Variants in PVALB observed in about 807,000 individuals in gnomAD.
The protein encoded by PVALB is parvalbumin, also known as parvalbumin alpha.
A neutral mutation model predicts 10.9 loss-of-function variants in PVALB; 11 were observed. The ratio of observed to expected loss-of-function variants is 1.01; its 90% CI spans 0.63 to 1.67. The LOEUF is 1.67. Among genes scored for constraint, PVALB ranks in the 40% most tolerant of loss-of-function variants. The pLI, the probability that PVALB is intolerant of heterozygous loss-of-function variation, is 0.00. For missense variants in PVALB, 131 were observed against 136.2 expected (o/e 0.96, Z 0.19); for synonymous variants, 57 against 50.7 (o/e 1.12, Z -0.53).
intron 3 of PVALB, among the ~76,000 whole-genome samples, chr22:36,804,738 A>G (rs1938924163): frequency 6.6e-6 from 1 of 152,240 alleles, no homozygotes; most frequent in African/African-American, 2.4e-5. Context: ...GTTCGAGACC[A>G]GCCTGATCAA....
At chr22:36,816,691 G>A (rs1217151447) in intron 1 of PVALB, among the ~76,000 whole-genome samples, 3 of 152,166 alleles carry the variant, frequency 2.0e-5, no homozygotes, top group Non-Finnish European at 4.4e-5. Flanking sequence ...CCCAGCCACC[G>A]GGCCTTCAGC....
At chr22:36,817,312 A>T, upstream of PVALB, 1 of 251,726 alleles carries the variant, frequency 4.0e-6, no homozygotes. Flanking sequence ...CACCTCTGGG[A>T]TTTAGGGGGC....
chr22:36,809,398 A>G (rs967907799), intron 3 of PVALB, among the ~76,000 whole-genome samples: 1 of 152,044 alleles, frequency 6.6e-6, no homozygotes, highest in Non-Finnish European at 1.5e-5. Context: ...AGGAGAAAGA[A>G]ATAGGCAATA....
rs774214509 is a variant in PVALB, at chr22:36,816,927, G to C, written c.61+18C>G. On this transcript the variant is annotated intron_variant, in intron 1 of 3. Transcript: ENST00000417718. Reference sequence around the variant, plus strand: ...TGGACGAGGGGAGAGGGATGGGGAGGGGAGCGCGCTTGCTCACCGCTAAAG... The same window carrying C: ...TGGACGAGGGGAGAGGGATGGGGAGCGGAGCGCGCTTGCTCACCGCTAAAG... The C allele has an allele frequency of 6.9e-6, 11 of 1,594,740 alleles. No homozygotes were observed. The highest frequency in any genetic ancestry group is 8.5e-6 in the Non-Finnish European group (10 of 1,173,182).
intron 3 of PVALB, among the ~76,000 whole-genome samples, chr22:36,803,702 TGGATGGATGGG>T (rs1938907271): frequency 1.1e-5 from 1 of 88,818 alleles, no homozygotes; most frequent in African/African-American, 5.0e-5. Context: ...GATGGATGGA[TGGATGGATGGG>T]TGGGTGGTTG....
intron 3 of PVALB, among the ~76,000 whole-genome samples, chr22:36,807,283 C>G (rs9622488): frequency 0.2 from 30,862 of 152,054 alleles, 3,644 homozygotes; most frequent in African/African-American, 0.33. Flanking sequence ...TCTCAGTGGG[C>G]ATCACAGTGT....
At chr22:36,810,178 C>G (rs1007168768) in intron 3 of PVALB, among the ~76,000 whole-genome samples, 5 of 152,186 alleles carry the variant, frequency 3.3e-5, no homozygotes, top group African/African-American at 1.2e-4. Context: ...CCACTGCGCC[C>G]GGCATGCCCC....
chr22:36,816,823 C>G, intron 1 of PVALB, 122 bp downstream of exon 1: 3 of 814,116 alleles, frequency 3.7e-6, no homozygotes. Context: ...TCGCCGGCGC[C>G]CAGCGGGAAG....
At chr22:36,804,767 C>T (rs1304212695) in intron 3 of PVALB, among the ~76,000 whole-genome samples, 1 of 152,164 alleles carries the variant, frequency 6.6e-6, no homozygotes, top group African/African-American at 2.4e-5. Context: ...AACCTCGTCT[C>T]TACTAAAAAT....
At chr22:36,815,308 C>T (rs929898875) in intron 1 of PVALB, 73 bp from the exon 2 acceptor site, 10 of 1,580,090 alleles carry the variant, frequency 6.3e-6, no homozygotes, top group South Asian at 1.1e-5. Context: ...TGGGGGGCAT[C>T]AAGGCATTTG....
chr22:36,817,129 A>T (rs560377491), upstream of PVALB: 1 of 880,474 alleles, frequency 1.1e-6, no homozygotes, highest in East Asian at 3.3e-5. Context: ...CGGGCCTGGC[A>T]TGGCGCCAGG....
intron 3 of PVALB, among the ~76,000 whole-genome samples, chr22:36,801,492 C>T (rs933556088): frequency 1.2e-4 from 19 of 152,114 alleles, no homozygotes; most frequent in Admixed American, 6.6e-5. Flanking sequence ...AAGTGCCCAT[C>T]GCCCTAGAAA....
chr22:36,813,196 T>C (rs535431616), intron 3 of PVALB, among the ~76,000 whole-genome samples: 2 of 152,334 alleles, frequency 1.3e-5, no homozygotes, highest in East Asian at 3.9e-4. Context: ...TTTCCATCCC[T>C]GGAATCTGAG....
rs372265591 is a variant in PVALB at position 36,814,999 on chromosome 22, C to G, written c.194+104G>C. 3.5e-6 allele frequency: 5 copies of G among 1,437,234 alleles called. No individual in the cohort carries two copies. The East Asian group carries it at 7.1e-5, about 20-fold the overall frequency. The allele number at this position is 1,437,234 out of a possible 1,614,324, so 89.0% of individuals were successfully genotyped here. A position where few individuals can be genotyped will look rare whatever the true frequency, so the allele number is the denominator to read the frequency against. On this transcript the variant is annotated intron_variant, in intron 2 of 3. Coordinates refer to ENST00000417718, the MANE Select transcript of PVALB (RefSeq NM_001315532.2). ...GCACGGTTACTTTCTGTGAAGCAGG[C>G]AGAGTGAAAGGCAGGTCTGATGGAC...
chr22:36,806,332 G>T (rs77777878), intron 3 of PVALB, among the ~76,000 whole-genome samples: 1 of 152,296 alleles, frequency 6.6e-6, no homozygotes, highest in Non-Finnish European at 1.5e-5. Context: ...TGGGAAGGAG[G>T]CAGCAGAGGG....
At position 36,815,245 on chromosome 22, in the gene PVALB, G is replaced by T. The variant is rs145809194; in HGVS notation, c.62-10C>A. On this transcript the variant is annotated splice_polypyrimidine_tract_variant and intron_variant, in intron 1 of 3. Transcript: ENST00000417718. Reference sequence around the variant, plus strand: ...TCGAAGGAGTCGGTAGCTGTGGGGGGAAGAGCAGGGTCAAACAAGGACCAG... The same window carrying T: ...TCGAAGGAGTCGGTAGCTGTGGGGGTAAGAGCAGGGTCAAACAAGGACCAG... 3,798 of 1,614,086 alleles carry T rather than the reference G, an allele frequency of 2.4e-3. 69 individuals are homozygous for T. The African/African-American group carries it at 0.038, about 16-fold the overall frequency.
chr22:36,813,939 T>C (rs919490950), intron 2 of PVALB, among the ~76,000 whole-genome samples, 184 bp from the exon 3 acceptor site: 4 of 151,546 alleles, frequency 2.6e-5, no homozygotes, highest in Admixed American at 2.6e-4. Context: ...CTTTCGTGGG[T>C]GAGTATTTAG....
intron 3 of PVALB, among the ~76,000 whole-genome samples, chr22:36,803,686 T>C (rs1189257420): frequency 1.7e-5 from 1 of 60,244 alleles, no homozygotes; most frequent in Admixed American, 2.3e-4. Context: ...GATGGATGGA[T>C]GGATGGATGG....
In PVALB at chr22:36,816,445, G is replaced by T. The variant is rs1939139976; in HGVS notation, c.61+500C>A. ...AGAAGGTCACCTCGCCCGCAGGTCC[G>T]TTGCTGAATCTCAGTAAAGGAACTA... On this transcript the variant is annotated intron_variant, in intron 1 of 3. Transcript: ENST00000417718. 5 of 153,906 alleles carry T rather than the reference G, an allele frequency of 3.2e-5. 1 individual carries two copies. The South Asian group carries it at 1.0e-3, about 32-fold the overall frequency. 9.5% of individuals were successfully genotyped at this position (153,906 alleles called of 1,614,324 possible). A position where few individuals can be genotyped will look rare whatever the true frequency, so the allele number is the denominator to read the frequency against.
Sources: gnomAD v4.1 joint callset for allele counts (sites outside exome capture counted in the v4.1 genomes callset) on GRCh38, gnomAD v4.1.1 for gene constraint, MANE v1.5 for transcripts, NCBI Gene and HGNC (gene_info 2026-07-23, HGNC 2026-07-21) for gene names.